LRRTM4: variants seen among roughly 807,000 people sequenced by gnomAD.
The protein encoded by LRRTM4 is leucine rich repeat transmembrane neuronal 4.
LRRTM4 carries 25 observed loss-of-function variants against 47.6 expected under a neutral mutation model. The ratio of observed to expected loss-of-function variants is 0.53; its 90% CI spans 0.38 to 0.73. The LOEUF (loss-of-function observed/expected upper bound fraction) is 0.73, where lower values mean the gene tolerates loss of function less well. Ranked by LOEUF, LRRTM4 falls within the 30% of genes least tolerant of loss-of-function variation. The pLI, the probability that LRRTM4 is intolerant of heterozygous loss-of-function variation, is 0.00. For missense variants in LRRTM4, 638 were observed against 713.4 expected (o/e 0.89, Z 1.20); for synonymous variants, 311 against 269.5 (o/e 1.15, Z -1.51).
chr2:77,405,240 C>T (rs750386466), intron 3 of LRRTM4, among the ~76,000 whole-genome samples: 50 of 152,172 alleles, frequency 3.3e-4, no homozygotes, highest in South Asian at 6.2e-4. Context: ...GGGCAAAATA[C>T]TAATTTTGAC....
intron 3 of LRRTM4, among the ~76,000 whole-genome samples, chr2:77,216,020 C>A (rs1278718203): frequency 6.6e-6 from 1 of 152,104 alleles, no homozygotes; most frequent in East Asian, 1.9e-4. Context: ...AACGTTAGAG[C>A]TGGTCTAAGA....
intron 3 of LRRTM4, among the ~76,000 whole-genome samples, chr2:76,936,027 G>T (rs1309033832): frequency 6.6e-6 from 1 of 152,178 alleles, no homozygotes; most frequent in Non-Finnish European, 1.5e-5. Context: ...GGAAGACAGT[G>T]TGGTGATTCC....
intron 3 of LRRTM4, among the ~76,000 whole-genome samples, chr2:77,514,815 T>C (rs1679147994): frequency 6.6e-6 from 1 of 151,922 alleles, no homozygotes; most frequent in Non-Finnish European, 1.5e-5. Flanking sequence ...TTTCAGTTGA[T>C]AAAACAAATC....
intron 3 of LRRTM4, among the ~76,000 whole-genome samples, chr2:77,407,297 T>G (rs1341849738): frequency 2.6e-5 from 4 of 151,966 alleles, no homozygotes. Flanking sequence ...AAATTTACCT[T>G]TATATTATTT....
intron 3 of LRRTM4, among the ~76,000 whole-genome samples, chr2:76,941,673 T>C (rs1173061843): frequency 6.6e-6 from 1 of 152,214 alleles, no homozygotes; most frequent in Non-Finnish European, 1.5e-5. Flanking sequence ...TAGTATTCCA[T>C]GGTGTATATG....
intron 3 of LRRTM4, among the ~76,000 whole-genome samples, chr2:76,856,207 G>A (rs1159887945): frequency 3.9e-5 from 6 of 152,110 alleles, no homozygotes; most frequent in African/African-American, 1.4e-4. Context: ...AACCCAGGAG[G>A]CAGAGGTTGC....
chr2:77,039,607 A>G lies in LRRTM4; in HGVS notation c.1552-290691T>C, dbSNP rs574421821. Among the ~76,000 whole-genome samples, 23 of 151,424 alleles carry G rather than the reference A, an allele frequency of 1.5e-4. No homozygotes were observed. The South Asian group carries it at 4.8e-3, about 31-fold the overall frequency. The stretch of plus-strand genomic sequence containing the variant: ...CTTCCATTTGTTAGGAAATTATCTT[A>G]TTTTACAATGATGAAAAAAGTATAA... On this transcript the variant is annotated intron_variant, in intron 3 of 3. Coordinates refer to ENST00000409884, the MANE Select transcript of LRRTM4 (RefSeq NM_001134745.3).
chr2:76,860,176 G>A (rs1160860550), intron 3 of LRRTM4, among the ~76,000 whole-genome samples: 1 of 152,094 alleles, frequency 6.6e-6, no homozygotes, highest in African/African-American at 2.4e-5. Context: ...ACAATATACT[G>A]TTCTCAGTCT....
intron 3 of LRRTM4, among the ~76,000 whole-genome samples, chr2:77,355,483 T>A (rs539007690): frequency 1.3e-3 from 199 of 152,276 alleles, no homozygotes; most frequent in Non-Finnish European, 2.2e-3. Context: ...AATCACCGGT[T>A]GTTCTGATTA....
chr2:76,873,500 A>G lies in LRRTM4; in HGVS notation c.1552-124584T>C, dbSNP rs74862610. ...TATATATATGTGTGTGTGTATATAT[A>G]TGTGTGTATATATATATATATATAT... On this transcript the variant is annotated intron_variant, in intron 3 of 3. Transcript: ENST00000409884. 7.9e-3 allele frequency among the ~76,000 whole-genome samples: 811 copies of G among 103,284 alleles called. 15 individuals are homozygous for G. The highest frequency in any genetic ancestry group is 0.031 in the African/African-American group (740 of 24,034). 67.8% of individuals were successfully genotyped at this position (103,284 alleles called of 152,430 possible).
At chr2:77,285,557 C>A (rs569139740) in intron 3 of LRRTM4, among the ~76,000 whole-genome samples, 1 of 151,512 alleles carries the variant, frequency 6.6e-6, no homozygotes, top group Non-Finnish European at 1.5e-5. Context: ...GTTTGGCCAA[C>A]GTGGTGAAAC....
At chr2:76,998,547 G>T (rs983434463) in intron 3 of LRRTM4, among the ~76,000 whole-genome samples, 2 of 152,016 alleles carry the variant, frequency 1.3e-5, no homozygotes, top group African/African-American at 2.4e-5. Flanking sequence ...AACCAACTAT[G>T]AAGTCAAAAA....
At chr2:76,967,910 C>G (rs1181581033) in intron 3 of LRRTM4, among the ~76,000 whole-genome samples, 1 of 147,758 alleles carries the variant, frequency 6.8e-6, no homozygotes, top group Non-Finnish European at 1.5e-5. Context: ...GACACTATGT[C>G]TTACTTGTGC....
chr2:76,898,297 T>A (rs1330281796), intron 3 of LRRTM4, among the ~76,000 whole-genome samples: 1 of 152,152 alleles, frequency 6.6e-6, no homozygotes, highest in South Asian at 2.1e-4. Context: ...GCTATCCAAT[T>A]TATCCTATCA....
At chr2:76,749,526 C>T (rs1207346854) in intron 3 of LRRTM4, among the ~76,000 whole-genome samples, 1 of 152,072 alleles carries the variant, frequency 6.6e-6, no homozygotes, top group Non-Finnish European at 1.5e-5. Flanking sequence ...CACTCTATCA[C>T]ATATCAATAC....
At chr2:77,484,122 GAC>G (rs1677822060) in intron 3 of LRRTM4, among the ~76,000 whole-genome samples, 1 of 152,152 alleles carries the variant, frequency 6.6e-6, no homozygotes, top group Non-Finnish European at 1.5e-5. Context: ...AGGGTGTCTA[GAC>G]ACACACAATA....
chr2:77,384,662 G>A (rs1398335225), intron 3 of LRRTM4, among the ~76,000 whole-genome samples: 1 of 152,024 alleles, frequency 6.6e-6, no homozygotes, highest in East Asian at 1.9e-4. Flanking sequence ...TTAAAGAAAA[G>A]ATAGAACCCA....
intron 3 of LRRTM4, among the ~76,000 whole-genome samples, chr2:77,248,887 A>T (rs2104008584): frequency 6.6e-6 from 1 of 152,276 alleles, no homozygotes; most frequent in East Asian, 1.9e-4. Context: ...TCTTTACAAA[A>T]ATTTACTCAA....
intron 3 of LRRTM4, among the ~76,000 whole-genome samples, chr2:77,173,563 C>G (rs1044270248): frequency 1.3e-5 from 2 of 152,100 alleles, no homozygotes; most frequent in African/African-American, 4.8e-5. Context: ...TTAAATTAAA[C>G]CAAAAATCTA....
Sources: gnomAD v4.1 joint callset for allele counts (sites outside exome capture counted in the v4.1 genomes callset) on GRCh38, gnomAD v4.1.1 for gene constraint, MANE v1.5 for transcripts, NCBI Gene and HGNC (gene_info 2026-07-23, HGNC 2026-07-21) for gene names.